ATXN1: variants seen among roughly 807,000 people sequenced by gnomAD.
The protein encoded by ATXN1 is ataxin-1.
In ATXN1, 8 loss-of-function variants were observed where a neutral mutation model predicts 56.4. The ratio of observed to expected loss-of-function variants is 0.14; its 90% CI spans 0.08 to 0.26. The LOEUF (loss-of-function observed/expected upper bound fraction) is 0.26. ATXN1 is among the 10% of genes least tolerant of loss of function. The pLI is 1.00. For missense variants in ATXN1, 987 were observed against 1,106.5 expected (o/e 0.89, Z 1.53); for synonymous variants, 514 against 494.6 (o/e 1.04, Z -0.52).
intron 3 of ATXN1, among the ~76,000 whole-genome samples, chr6:16,605,963 CAAAT>C (rs1762997237): frequency 6.6e-6 from 1 of 152,054 alleles, no homozygotes; most frequent in African/African-American, 2.4e-5. Context: ...CCTAACTTTA[CAAAT>C]AATGTTTAAA....
chr6:16,371,791 C>T (rs1762047552), intron 6 of ATXN1, among the ~76,000 whole-genome samples: 1 of 151,376 alleles, frequency 6.6e-6, no homozygotes, highest in African/African-American at 2.4e-5. Context: ...GGTACCTAGG[C>T]TGGTCTCAAA....
chr6:16,715,123 T>A (rs1581388819), intron 2 of ATXN1, among the ~76,000 whole-genome samples: 1 of 152,260 alleles, frequency 6.6e-6, no homozygotes, highest in South Asian at 2.1e-4. Flanking sequence ...CCTTTTGAAC[T>A]CATCGTCCAC....
intron 3 of ATXN1, among the ~76,000 whole-genome samples, chr6:16,647,074 G>A (rs1459402001): frequency 6.6e-6 from 1 of 151,948 alleles, no homozygotes; most frequent in Non-Finnish European, 1.5e-5. Context: ...GCACCATCTC[G>A]GCTCACTGCA....
At chr6:16,510,072 C>G (rs114799658) in intron 5 of ATXN1, among the ~76,000 whole-genome samples, 1 of 152,210 alleles carries the variant, frequency 6.6e-6, no homozygotes, top group African/African-American at 2.4e-5. Flanking sequence ...CCCTCTGAAG[C>G]GTGTTTTTAC....
At position 16,506,250 on chromosome 6, in the gene ATXN1, T is replaced by C. The variant is rs538009808; in HGVS notation, c.-299+16377A>G. Reference sequence around the variant, plus strand: ...GATGTGACTCATCATTTGGGTGACATGGAGCAGGCAGCATCGTTTCAAGTT... The same window carrying C: ...GATGTGACTCATCATTTGGGTGACACGGAGCAGGCAGCATCGTTTCAAGTT... On this transcript the variant is annotated intron_variant, in intron 5 of 7. Coordinates refer to ENST00000436367, the MANE Select transcript of ATXN1 (RefSeq NM_001128164.2). This position sits in a 1 kb window ranked among gnomAD's most constrained non-coding sequence, Gnocchi z 4.1. Among the ~76,000 whole-genome samples, 2 of 152,328 alleles carry C rather than the reference T, an allele frequency of 1.3e-5. No homozygotes were observed. Among genetic ancestry groups the C allele is most frequent in the East Asian group, 3.9e-4 (2 of 5,190 alleles).
Position 16,506,682 on chromosome 6 carries a change from T to C in ATXN1, c.-299+15945A>G, listed in dbSNP as rs1193370762. Among the ~76,000 whole-genome samples, 4 of 152,208 alleles carry C rather than the reference T, an allele frequency of 2.6e-5. No individual in the cohort carries two copies. Among genetic ancestry groups the C allele is most frequent in the Non-Finnish European group, 5.9e-5 (4 of 68,032 alleles). Reference sequence around the variant, plus strand: ...CCAGGTCAAAGATGTGAAATGAACATTATCATTATTTGTTTCAGTGGAGGC... The same window carrying C: ...CCAGGTCAAAGATGTGAAATGAACACTATCATTATTTGTTTCAGTGGAGGC... On this transcript the variant is annotated intron_variant, in intron 5 of 7. Transcript: ENST00000436367. The surrounding 1 kb of genome is among the most constrained non-coding windows in gnomAD (Gnocchi z 4.1).
chr6:16,597,098 G>T (rs993343961), intron 3 of ATXN1, among the ~76,000 whole-genome samples: 1 of 152,224 alleles, frequency 6.6e-6, no homozygotes, highest in Admixed American at 6.5e-5. Context: ...TGGGTCACCA[G>T]CCTGCTCTGG....
intron 6 of ATXN1, among the ~76,000 whole-genome samples, chr6:16,382,411 T>C (rs1358460802): frequency 2.0e-5 from 3 of 152,016 alleles, no homozygotes; most frequent in African/African-American, 7.2e-5. Flanking sequence ...TGCAGTGAGC[T>C]ATGATCGTGC....
chr6:16,338,065 A>C (rs966448843), intron 6 of ATXN1, among the ~76,000 whole-genome samples: 1 of 152,240 alleles, frequency 6.6e-6, no homozygotes, highest in Non-Finnish European at 1.5e-5. Context: ...CAATGATGAT[A>C]ATAGATCAAT....
At chr6:16,378,014 A>T (rs1445353038) in intron 6 of ATXN1, among the ~76,000 whole-genome samples, 1 of 152,224 alleles carries the variant, frequency 6.6e-6, no homozygotes, top group Non-Finnish European at 1.5e-5. Context: ...CATGGCAAGG[A>T]GGGCCATCTC....
At chr6:16,481,279 A>AT (rs549567164) in intron 6 of ATXN1, among the ~76,000 whole-genome samples, 20 of 150,200 alleles carry the variant, frequency 1.3e-4, no homozygotes, top group South Asian at 6.3e-4. Flanking sequence ...TCTACTTCAG[A>AT]TTTTTTTTTT....
intron 6 of ATXN1, among the ~76,000 whole-genome samples, chr6:16,330,727 C>A (rs1283781460): frequency 1.3e-5 from 2 of 152,080 alleles, no homozygotes; most frequent in African/African-American, 4.8e-5. Flanking sequence ...TTTGCTCCAA[C>A]ATCATCAATG....
At chr6:16,382,299 CAA>C (rs56015325) in intron 6 of ATXN1, among the ~76,000 whole-genome samples, 20 of 124,600 alleles carry the variant, frequency 1.6e-4, no homozygotes, top group East Asian at 2.4e-4. Flanking sequence ...GATTCCATCT[CAA>C]AAAAAAAAAA....
At chr6:16,716,030 T>C (rs531258145) in intron 2 of ATXN1, among the ~76,000 whole-genome samples, 35 of 152,298 alleles carry the variant, frequency 2.3e-4, no homozygotes, top group Non-Finnish European at 4.0e-4. Context: ...TCCAACCCTA[T>C]GGAGCCATTC....
intron 6 of ATXN1, among the ~76,000 whole-genome samples, chr6:16,476,522 C>G (rs1320208536): frequency 6.8e-6 from 1 of 147,474 alleles, no homozygotes; most frequent in East Asian, 2.0e-4. Context: ...ATATAATAAT[C>G]CAAAAAAAAA....
intron 6 of ATXN1, among the ~76,000 whole-genome samples, chr6:16,471,526 A>G (rs1204449398): frequency 6.6e-6 from 1 of 152,170 alleles, no homozygotes; most frequent in African/African-American, 2.4e-5. Flanking sequence ...ATAAGTGACA[A>G]TGATAGCTCA....
At chr6:16,522,782 G>A (rs1027143124) in intron 4 of ATXN1, 94 bp from the exon 5 acceptor site, 1 of 152,168 alleles carries the variant, frequency 6.6e-6, no homozygotes, top group Non-Finnish European at 1.5e-5. Context: ...AGAAATTCCA[G>A]CCCCTAGCAC....
chr6:16,352,763 C>T (rs183451214), intron 6 of ATXN1, among the ~76,000 whole-genome samples: 69 of 152,192 alleles, frequency 4.5e-4, no homozygotes, highest in African/African-American at 1.5e-3. Context: ...ACCCTATGTA[C>T]GCTATGTTTT....
chr6:16,503,991 T>A (rs899039004), intron 5 of ATXN1, among the ~76,000 whole-genome samples: 2 of 152,164 alleles, frequency 1.3e-5, no homozygotes, highest in African/African-American at 4.8e-5. Flanking sequence ...ATTTAAAAAA[T>A]TCTTAAAAAT....
Sources: gnomAD v4.1 joint callset for allele counts (sites outside exome capture counted in the v4.1 genomes callset) on GRCh38, gnomAD v4.1.1 for gene constraint, Gnocchi (gnomAD v3.1) non-coding constraint, MANE v1.5 for transcripts, NCBI Gene and HGNC (gene_info 2026-07-23, HGNC 2026-07-21) for gene names.